Variants in PARD3B observed in about 807,000 individuals in gnomAD.
The protein encoded by PARD3B is par-3 family cell polarity regulator beta, also known as partitioning defective 3 homolog B.
Under a neutral mutation model 130.2 loss-of-function variants are expected in PARD3B, and 103 were observed. The observed-to-expected ratio is 0.79, with a 90% confidence interval of 0.67 to 0.93. The LOEUF is 0.93. PARD3B is among the 40% of genes least tolerant of loss of function. The pLI is 0.00. For synonymous variants in PARD3B, 583 were observed against 553.2 expected, an observed-to-expected ratio of 1.05 and a Z score of -0.76; for missense variants, 1,609 against 1,499.2, an observed-to-expected ratio of 1.07 and a Z score of -1.21.
intron 22 of PARD3B, among the ~76,000 whole-genome samples, chr2:205,574,008 A>G (rs1006965527): frequency 1.3e-5 from 2 of 152,210 alleles, no homozygotes; most frequent in African/African-American, 2.4e-5. Context: ...AGAAATCCTT[A>G]TATATTAAAA....
intron 10 of PARD3B, among the ~76,000 whole-genome samples, chr2:205,126,212 G>A (rs2031375600): frequency 6.6e-6 from 1 of 152,214 alleles, no homozygotes; most frequent in East Asian, 1.9e-4. Context: ...ATTCTTGAGG[G>A]CTGGGATAGA....
chr2:205,426,935 A>G (rs1207860074), intron 19 of PARD3B, among the ~76,000 whole-genome samples: 1 of 152,198 alleles, frequency 6.6e-6, no homozygotes, highest in East Asian at 1.9e-4. Context: ...GAAAATGGCT[A>G]GCAATCTGAT....
At chr2:205,017,825 C>T (rs1696268108) in intron 3 of PARD3B, among the ~76,000 whole-genome samples, 1 of 152,176 alleles carries the variant, frequency 6.6e-6, no homozygotes, top group Admixed American at 6.5e-5. Flanking sequence ...AAAGATAGGA[C>T]CATTGACAGA....
At chr2:204,959,090 A>C (rs565571386) in intron 2 of PARD3B, among the ~76,000 whole-genome samples, 24 of 151,980 alleles carry the variant, frequency 1.6e-4, no homozygotes, top group African/African-American at 5.8e-4. Context: ...TTACCTCTGC[A>C]TGCATTAGGT....
chr2:204,638,924 C>T (rs2034981555), intron 1 of PARD3B, among the ~76,000 whole-genome samples: 2 of 152,130 alleles, frequency 1.3e-5, no homozygotes, highest in African/African-American at 4.8e-5. Context: ...GCCAAGTATC[C>T]AGCCCTGGCA....
At chr2:205,373,246 T>C (rs754190092) in intron 18 of PARD3B, among the ~76,000 whole-genome samples, 4 of 152,126 alleles carry the variant, frequency 2.6e-5, no homozygotes, top group Non-Finnish European at 4.4e-5. Flanking sequence ...CTTAGCCCTG[T>C]ACATTTCAGA....
At chr2:204,811,667 T>C (rs184920571) in intron 2 of PARD3B, among the ~76,000 whole-genome samples, 267 of 152,306 alleles carry the variant, frequency 1.8e-3, no homozygotes, top group Non-Finnish European at 2.3e-3. Flanking sequence ...CATAAGACTT[T>C]AGCAGCTAAA....
chr2:205,202,433 A>G (rs77617881), intron 15 of PARD3B, among the ~76,000 whole-genome samples: 2,431 of 152,246 alleles, frequency 0.016, 39 homozygotes, highest in Non-Finnish European at 0.027. Context: ...GAAGAATTTG[A>G]CTTTGTATTC....
At chr2:205,367,282 C>T (rs1401264694) in intron 18 of PARD3B, among the ~76,000 whole-genome samples, 1 of 152,070 alleles carries the variant, frequency 6.6e-6, no homozygotes, top group Non-Finnish European at 1.5e-5. Context: ...TACAATAATC[C>T]ATTGTTAGTG....
chr2:205,527,331 T>A (rs923878594), intron 21 of PARD3B, among the ~76,000 whole-genome samples: 1 of 151,930 alleles, frequency 6.6e-6, no homozygotes, highest in South Asian at 2.1e-4. Flanking sequence ...GGGAAAAAAA[T>A]AGAAAAAGTC....
At position 205,421,573 on chromosome 2, in the gene PARD3B, A is replaced by T. The variant is rs1056036710; in HGVS notation, c.2742-18797A>T. ...CATATTGACCAAGGCTGTGAATGAA[A>T]ATAGTGCATACCTAAATACTTCTCT... On this transcript the variant is annotated intron_variant, in intron 19 of 22. Coordinates refer to ENST00000406610, the MANE Select transcript of PARD3B (RefSeq NM_001302769.2). The surrounding 1 kb of genome is among the most constrained non-coding windows in gnomAD (Gnocchi z 5.1). Among the ~76,000 whole-genome samples, 3 of 152,206 alleles carry T rather than the reference A, an allele frequency of 2.0e-5. No individual in the cohort carries two copies. Among genetic ancestry groups the T allele is most frequent in the Non-Finnish European group, 4.4e-5 (3 of 68,040 alleles).
At chr2:204,950,387 T>C (rs1559291379) in intron 2 of PARD3B, among the ~76,000 whole-genome samples, 1 of 152,178 alleles carries the variant, frequency 6.6e-6, no homozygotes, top group Non-Finnish European at 1.5e-5. Flanking sequence ...TTCCCTACAT[T>C]TAAAAAGTGG....
chr2:204,819,868 C>A (rs1189152787), intron 2 of PARD3B, among the ~76,000 whole-genome samples: 1 of 151,926 alleles, frequency 6.6e-6, no homozygotes, highest in Non-Finnish European at 1.5e-5. Context: ...TTCAGTTTAA[C>A]GAAGGCTGAG....
At chr2:205,018,722 C>A (rs955778284) in intron 3 of PARD3B, among the ~76,000 whole-genome samples, 16 of 43,158 alleles carry the variant, frequency 3.7e-4, no homozygotes, top group South Asian at 2.4e-3. Flanking sequence ...GCAGTATAAG[C>A]AAAAAAAAAA....
At chr2:204,885,836 C>T (rs2046252932) in intron 2 of PARD3B, among the ~76,000 whole-genome samples, 1 of 152,036 alleles carries the variant, frequency 6.6e-6, no homozygotes, top group South Asian at 2.1e-4. Flanking sequence ...TAGAGCTTCA[C>T]ATATTTTATA....
In PARD3B at chr2:205,401,072, A is replaced by T; in HGVS notation, c.2690A>T (p.His897Leu). 1 of 1,604,054 alleles carries T rather than the reference A, an allele frequency of 6.2e-7. No individual in the cohort carries two copies. The highest frequency in any genetic ancestry group is 8.5e-7 in the Non-Finnish European group (1 of 1,175,424). Residue 897 changes from histidine to leucine, a missense_variant, in exon 19 of 23, where the codon CAT (histidine) becomes CTT (leucine). Transcript: ENST00000406610. ...GCTGAGCAGAAAGGTACTCTGAAACATGGTGGCCTGAGAGAAGAAGAGCTG... is the reference window on the plus strand; with the variant it reads ...GCTGAGCAGAAAGGTACTCTGAAACTTGGTGGCCTGAGAGAAGAAGAGCTG... ...GKAEQKGTLK[H>L]GGLREEELEK...
At chr2:205,459,016 C>T (rs1406867705) in intron 20 of PARD3B, among the ~76,000 whole-genome samples, 1 of 152,192 alleles carries the variant, frequency 6.6e-6, no homozygotes, top group Non-Finnish European at 1.5e-5. Flanking sequence ...CGAGTCCCTT[C>T]TTCCTTAGCA....
At chr2:205,290,810 T>C (rs1008192838) in intron 16 of PARD3B, among the ~76,000 whole-genome samples, 1 of 152,184 alleles carries the variant, frequency 6.6e-6, no homozygotes, top group African/African-American at 2.4e-5. Context: ...GTCGTGATGC[T>C]GGAACCCTCT....
intron 2 of PARD3B, among the ~76,000 whole-genome samples, chr2:204,893,759 C>A (rs2125693551): frequency 6.6e-6 from 1 of 152,254 alleles, no homozygotes; most frequent in East Asian, 1.9e-4. Flanking sequence ...AGCCACATCA[C>A]AAGTGTTCAA....
Sources: allele counts gnomAD v4.1 joint callset (sites outside exome capture counted in the v4.1 genomes callset), GRCh38; gene constraint gnomAD v4.1.1; non-coding constraint Gnocchi (gnomAD v3.1); transcripts MANE v1.5; gene names NCBI Gene and HGNC (gene_info 2026-07-23, HGNC 2026-07-21).